The following CTDP1 variants were observed in gnomAD, a reference collection of about 807,000 sequenced individuals.
CTDP1 encodes CTD phosphatase 1, also known as RNA polymerase II subunit A C-terminal domain phosphatase.
Under a neutral mutation model 91.8 loss-of-function variants are expected in CTDP1, and 47 were observed. The ratio of observed to expected loss-of-function variants is 0.51; its 90% CI spans 0.41 to 0.65. The LOEUF (loss-of-function observed/expected upper bound fraction) is 0.65. Ranked by LOEUF, CTDP1 falls within the 30% of genes least tolerant of loss-of-function variation. The pLI, the probability that CTDP1 is intolerant of heterozygous loss-of-function variation, is 0.00. For missense variants in CTDP1, 1,272 were observed against 1,373.7 expected, an observed-to-expected ratio of 0.93 and a Z score of 1.17; for synonymous variants, 656 against 598.5, an observed-to-expected ratio of 1.10 and a Z score of -1.40.
intron 11 of CTDP1, among the ~76,000 whole-genome samples, chr18:79,731,015 A>G (rs1474317052): frequency 3.9e-5 from 6 of 152,164 alleles, no homozygotes; most frequent in Non-Finnish European, 7.3e-5. Flanking sequence ...CTTGGGGCAG[A>G]TGAGGCAGCT....
In CTDP1 at chr18:79,740,196, G is replaced by A. The variant is rs573275132; in HGVS notation, c.2747+3675G>A. Among the ~76,000 whole-genome samples, 18 of 151,286 alleles carry A rather than the reference G, an allele frequency of 1.2e-4. 2 individuals carry two copies. The highest frequency in any genetic ancestry group is 3.9e-4 in the Admixed American group (6 of 15,190). Reference sequence around the variant, plus strand: ...GGGTGGGACTCTCATACCCACGGCCGGGACGGGTGGGACTCGGCGCTTGCT... The same window carrying A: ...GGGTGGGACTCTCATACCCACGGCCAGGACGGGTGGGACTCGGCGCTTGCT... On this transcript the variant is annotated intron_variant, in intron 12 of 12. Transcript: ENST00000613122.
chr18:79,680,211 G>A lies in CTDP1; in HGVS notation c.264G>A (p.Ala88=). 7.3e-7 allele frequency: 1 copy of A among 1,373,018 alleles called. No homozygotes were observed. Among genetic ancestry groups the A allele is most frequent in the Non-Finnish European group, 9.3e-7 (1 of 1,069,990 alleles). The allele number at this position is 1,373,018 out of a possible 1,614,324, so 85.1% of individuals were successfully genotyped here. A position where few individuals can be genotyped will look rare whatever the true frequency, so the allele number is the denominator to read the frequency against. ...AACGCAGGCTGAGGTCGGAGCGCGC[G>A]GGCGTGGTGCGGGAGCTGTGCGCGC... ...RPERRLRSER[A]GVVRELCAQP... is the part of the protein sequence containing the mutation. Residue 88 remains alanine (A), a synonymous_variant, in exon 1 of 13, where the codon GCG becomes GCA. Coordinates refer to ENST00000613122, the MANE Select transcript of CTDP1 (RefSeq NM_004715.5).
At chr18:79,741,230 T>C (rs926852190) in intron 12 of CTDP1, among the ~76,000 whole-genome samples, 1 of 151,662 alleles carries the variant, frequency 6.6e-6, no homozygotes, top group African/African-American at 2.4e-5. Context: ...CCCCGTGTGG[T>C]TGATCTGTCC....
At chr18:79,729,163 G>T in intron 11 of CTDP1, 94 bp downstream of exon 11, 4 of 1,523,334 alleles carry the variant, frequency 2.6e-6, no homozygotes, top group Non-Finnish European at 3.6e-6. Context: ...TGTGCACCTG[G>T]AGGCCGAGCT....
At chr18:79,753,630 C>G (rs763438955) in intron 12 of CTDP1, 22 bp from the exon 13 acceptor site, 35 of 1,614,100 alleles carry the variant, frequency 2.2e-5, no homozygotes, top group Non-Finnish European at 3.0e-5. Context: ...AAGCATCTCA[C>G]ACCATGTTTG....
Position 79,715,394 on chromosome 18 carries a change from A to C in CTDP1, c.1934A>C (p.His645Pro). The C allele has an allele frequency of 1.9e-6, 3 of 1,605,000 alleles. No homozygotes were observed. Among genetic ancestry groups the C allele is most frequent in the Non-Finnish European group, 2.6e-6 (3 of 1,175,704 alleles). The change falls in exon 8 of 13, where the codon CAC (histidine) becomes CCC (proline). Residue 645 changes from histidine to proline, a missense_variant. This residue lies in a region of CTDP1 where 881 missense variants were observed against 911.6 expected (regional missense o/e 0.97). Coordinates refer to ENST00000613122, the MANE Select transcript of CTDP1 (RefSeq NM_004715.5). Reference sequence around the variant, plus strand: ...GTGGCCATAATTTTCAGTGGGCTACACCCGACAAACTTCCCGATAGAGAAG... The same window carrying C: ...GTGGCCATAATTTTCAGTGGGCTACCCCCGACAAACTTCCCGATAGAGAAG... ...ADVAIIFSGL[H>P]PTNFPIEKTR... is the part of the protein sequence containing the mutation.
chr18:79,693,086 G>A (rs763261045), intron 1 of CTDP1, among the ~76,000 whole-genome samples: 33 of 152,198 alleles, frequency 2.2e-4, no homozygotes, highest in African/African-American at 5.6e-4. Context: ...TGGAGGCCCC[G>A]AGTGCGATGG....
At chr18:79,709,954 G>C (rs542556884) in intron 5 of CTDP1, among the ~76,000 whole-genome samples, 2 of 152,314 alleles carry the variant, frequency 1.3e-5, no homozygotes, top group East Asian at 3.9e-4. Flanking sequence ...AGTAATTTCA[G>C]CTTAGTGTCC....
In CTDP1 at chr18:79,714,974, CG is replaced by C. The variant is rs2086171210; in HGVS notation, c.1518del (p.Arg507GlyfsTer133). 6.4e-7 allele frequency: 1 copy of C among 1,569,804 alleles called. No individual in the cohort carries two copies. Among genetic ancestry groups the C allele is most frequent in the Non-Finnish European group, 8.6e-7 (1 of 1,158,326 alleles). On this transcript the variant is annotated frameshift_variant, in exon 8 of 13. Coordinates refer to ENST00000613122, the MANE Select transcript of CTDP1 (RefSeq NM_004715.5). LOFTEE classifies it high-confidence loss of function. ...CTGGCACAGGGCAGTTCCCTGGAGC[CG>C]GGGCGGCCTGCAGCACCGAGTCTCC... The part of the protein sequence containing the change: ...GALAQGSSLE[P>X]GRPAAPSLPG...
chr18:79,726,705 T>C (rs1227308079), intron 10 of CTDP1, among the ~76,000 whole-genome samples: 1 of 145,356 alleles, frequency 6.9e-6, no homozygotes, highest in Non-Finnish European at 1.5e-5. Context: ...TTTTGATGCC[T>C]GAGAGTGGGG....
chr18:79,736,555 C>CA (rs1382912979), intron 12 of CTDP1, 34 bp downstream of exon 12: 19 of 1,507,034 alleles, frequency 1.3e-5, no homozygotes, highest in Non-Finnish European at 1.6e-5. Flanking sequence ...AGGGGCCTGA[C>CA]ACGGGCTCCC....
At chr18:79,699,761 T>A (rs1387754095) in intron 4 of CTDP1, among the ~76,000 whole-genome samples, 3 of 152,168 alleles carry the variant, frequency 2.0e-5, no homozygotes, top group African/African-American at 7.2e-5. Flanking sequence ...TGATACTGTG[T>A]TCACAGGGAG....
intron 12 of CTDP1, among the ~76,000 whole-genome samples, chr18:79,751,598 T>G (rs1463770738): frequency 6.6e-6 from 1 of 152,228 alleles, no homozygotes; most frequent in Non-Finnish European, 1.5e-5. Flanking sequence ...ATAAATGAAC[T>G]GTGATTCTTC....
At chr18:79,719,196 T>G (rs1489073328) in intron 10 of CTDP1, among the ~76,000 whole-genome samples, 2 of 152,202 alleles carry the variant, frequency 1.3e-5, no homozygotes, top group East Asian at 1.9e-4. Context: ...TTTCATAGAT[T>G]GTGTTTTGTC....
chr18:79,752,220 G>A (rs1261637), intron 12 of CTDP1, among the ~76,000 whole-genome samples: 3 of 147,984 alleles, frequency 2.0e-5, no homozygotes, highest in African/African-American at 7.5e-5. Context: ...GCAGAGGCTC[G>A]TAAGGAAAGC....
intron 12 of CTDP1, among the ~76,000 whole-genome samples, chr18:79,744,576 G>A (rs2086841120): frequency 6.6e-6 from 1 of 152,222 alleles, no homozygotes; most frequent in Non-Finnish European, 1.5e-5. Flanking sequence ...TAATATCAGA[G>A]AAGACTGAAT....
Position 79,710,334 on chromosome 18 carries a change from T to C in CTDP1, c.773-12T>C, listed in dbSNP as rs890830666. On this transcript the variant is annotated splice_polypyrimidine_tract_variant and intron_variant, in intron 5 of 12. Coordinates refer to ENST00000613122, the MANE Select transcript of CTDP1 (RefSeq NM_004715.5). ...TCAGGTATGTAATCTTTGTCCTGTTTTCTTTTCCAAGGCTTTTTAGACCCC... is the reference window on the plus strand; with the variant it reads ...TCAGGTATGTAATCTTTGTCCTGTTCTCTTTTCCAAGGCTTTTTAGACCCC... 1 of 1,609,736 alleles carries C rather than the reference T, an allele frequency of 6.2e-7. No individual in the cohort carries two copies. Among genetic ancestry groups the C allele is most frequent in the Non-Finnish European group, 8.5e-7 (1 of 1,176,148 alleles).
In CTDP1 at chr18:79,717,912, T is replaced by C. The variant is rs1437675891; in HGVS notation, c.2313T>C (p.Val771=). The change falls in exon 10 of 13, where the codon GTT becomes GTC. Residue 771 remains valine (V), a synonymous_variant. Transcript: ENST00000613122. ...VLPKAQPGPE[V]RIYDSNTGKL... is the part of the protein sequence containing the mutation. ...CCAAGGCCCAGCCTGGCCCCGAGGT[T>C]CGGATCTACGACTCCAACACGGGGA... is the stretch of plus-strand genomic sequence containing the variant. 6 of 1,613,360 alleles carry C rather than the reference T, an allele frequency of 3.7e-6. No individual in the cohort carries two copies. Among genetic ancestry groups the C allele is most frequent in the Non-Finnish European group, 5.1e-6 (6 of 1,179,984 alleles).
Position 79,696,068 on chromosome 18 carries a change from G to A in CTDP1, c.490G>A (p.Glu164Lys), listed in dbSNP as rs142152406. 11 of 1,610,708 alleles carry A rather than the reference G, an allele frequency of 6.8e-6. No homozygotes were observed. Among genetic ancestry groups the A allele is most frequent in the Admixed American group, 1.7e-5 (1 of 59,996 alleles). Residue 164 changes from glutamate (E) to lysine (K), a missense_variant and splice_region_variant, in exon 3 of 13, where the codon GAG becomes AAG. By Grantham distance (56) the Glu-to-Lys change is moderately conservative. This residue lies in a region of CTDP1 where 177 missense variants were observed against 283.0 expected (regional missense o/e 0.63). Transcript: ENST00000613122. ...HSVPELMVSS[E>K]QAEQLGREDQ... ...CGTGCCGGAGTTGATGGTGAGCTCC[G>A]AGGTGAGCCGGGCATCAGTGGCGGC...
Sources: allele counts gnomAD v4.1 joint callset (sites outside exome capture counted in the v4.1 genomes callset), GRCh38; gene constraint gnomAD v4.1.1; regional missense constraint gnomAD v4.1.1; transcripts MANE v1.5; gene names NCBI Gene and HGNC (gene_info 2026-07-23, HGNC 2026-07-21).